The following ANKRD27 variants were observed in gnomAD, a reference collection of about 807,000 sequenced individuals.
ANKRD27 encodes the protein ankyrin repeat domain 27.
Under a neutral mutation model 129.7 loss-of-function variants are expected in ANKRD27, and 112 were observed. That is an observed-to-expected ratio of 0.86 (90% CI 0.74 to 1.01). The LOEUF is 1.01. Ranked by LOEUF, ANKRD27 falls within the 50% of genes least tolerant of loss-of-function variation. ANKRD27 has a pLI of 0.00. For missense variants in ANKRD27, 1,258 were observed against 1,300.5 expected (o/e 0.97, Z 0.50); for synonymous variants, 516 against 511.2 (o/e 1.01, Z -0.13).
At chr19:32,617,753 GTTT>G (rs375079407) in intron 20 of ANKRD27, 120 bp from the exon 21 acceptor site, 521 of 295,962 alleles carry the variant, frequency 1.8e-3, no homozygotes, top group South Asian at 2.9e-3. Flanking sequence ...GTCTGATTTA[GTTT>G]TTTTTTTTTT....
intron 22 of ANKRD27, among the ~76,000 whole-genome samples, chr19:32,608,671 G>C (rs1568397384): frequency 6.6e-6 from 1 of 152,116 alleles, no homozygotes; most frequent in Non-Finnish European, 1.5e-5. Context: ...AAAACTCAAG[G>C]CTGGGCACAG....
intron 20 of ANKRD27, among the ~76,000 whole-genome samples, chr19:32,619,011 G>A (rs1046980303): frequency 6.6e-6 from 1 of 152,168 alleles, no homozygotes; most frequent in Admixed American, 6.5e-5. Flanking sequence ...ATACACAAAC[G>A]CACTCTACCA....
intron 1 of ANKRD27, among the ~76,000 whole-genome samples, chr19:32,662,311 CAAA>C (rs34066529): frequency 5.3e-5 from 2 of 38,006 alleles, no homozygotes; most frequent in Non-Finnish European, 8.9e-5. Context: ...ACTCAGTCTC[CAAA>C]AAAAAAAAAA....
rs575228409 is a variant in ANKRD27, at chr19:32,604,260, T to A, written c.2655+3A>T. On this transcript the variant is annotated splice_donor_region_variant and intron_variant, in intron 25 of 28. Coordinates refer to ENST00000306065, the MANE Select transcript of ANKRD27 (RefSeq NM_032139.3). The stretch of plus-strand genomic sequence containing the variant: ...CCTCGGCTCTTCGACCCTCTCCACC[T>A]ACCTGTTCAGCACAGTCTACAGCCG... 5 of 1,598,596 alleles carry A rather than the reference T, an allele frequency of 3.1e-6. No individual in the cohort carries two copies. In the East Asian group the frequency reaches 9.0e-5, roughly 29 times the overall value.
intron 1 of ANKRD27, among the ~76,000 whole-genome samples, chr19:32,672,337 G>A (rs1401739390): frequency 6.6e-6 from 1 of 152,216 alleles, no homozygotes; most frequent in East Asian, 1.9e-4. Flanking sequence ...GTGTCCTCCT[G>A]ACCTATAACA....
At chr19:32,623,634 C>A (rs929582339) in intron 17 of ANKRD27, among the ~76,000 whole-genome samples, 10 of 151,630 alleles carry the variant, frequency 6.6e-5, no homozygotes, top group Admixed American at 5.3e-4. Flanking sequence ...ATTGCAACCT[C>A]CGCCTCCTAG....
In ANKRD27 at chr19:32,617,605, T is replaced by A. The variant is rs763125553; in HGVS notation, c.2036A>T (p.Asp679Val). ...AAAACTCACCATTTCTAGATCTCCA[T>A]CAGCAACTGCTCTCAAAAGTTTTTC... Reference protein sequence around the residue: ...EVEKLLRAVADGDLEMVRYLL... With the variant: ...EVEKLLRAVAVGDLEMVRYLL... The change falls in exon 21 of 29, where the codon GAT becomes GTT. Residue 679 changes from aspartate to valine, a missense_variant. Transcript: ENST00000306065. The A allele has an allele frequency of 4.0e-6, 3 of 757,826 alleles. No individual in the cohort carries two copies. Among genetic ancestry groups the A allele is most frequent in the Non-Finnish European group, 4.9e-6 (2 of 409,960 alleles). 46.9% of individuals were successfully genotyped at this position (757,826 alleles called of 1,614,324 possible). A position where few individuals can be genotyped will look rare whatever the true frequency, so the allele number is the denominator to read the frequency against.
intron 1 of ANKRD27, among the ~76,000 whole-genome samples, chr19:32,663,943 C>G (rs1967694891): frequency 6.7e-6 from 1 of 148,974 alleles, no homozygotes; most frequent in Non-Finnish European, 1.5e-5. Context: ...GTAGTCCCAG[C>G]TACTTGGGAG....
At chr19:32,649,961 TCTG>T (rs1162161985) in intron 2 of ANKRD27, among the ~76,000 whole-genome samples, 169 bp from the exon 3 acceptor site, 2 of 152,158 alleles carry the variant, frequency 1.3e-5, no homozygotes, top group African/African-American at 4.8e-5. Flanking sequence ...GCTGAGGTGA[TCTG>T]CTGCTGCTGT....
chr19:32,630,375 C>T (rs1029458791), intron 13 of ANKRD27, among the ~76,000 whole-genome samples: 1 of 152,220 alleles, frequency 6.6e-6, no homozygotes, highest in Non-Finnish European at 1.5e-5. Context: ...AGTGTCTGAG[C>T]AGGGAGCTGC....
At chr19:32,638,925 G>A (rs1967141444) in intron 12 of ANKRD27, 1 of 256,952 alleles carries the variant, frequency 3.9e-6, no homozygotes, top group Non-Finnish European at 7.3e-6. Flanking sequence ...GCCAGGCCAA[G>A]AGCGTGAAAT....
Position 32,619,503 on chromosome 19 carries a change from C to T in ANKRD27, c.1878G>A (p.Lys626=). ...AGCCCGGCTGACTTACCTCGGACGA[C>T]TTCTGCCTCCTCTCGAAGGACAGGT... ...AYHLSFERRQ[K]SSEAPVQSPQ... Residue 626 remains lysine (K), a synonymous_variant, in exon 19 of 29, where the codon AAG becomes AAA. Transcript: ENST00000306065. 6.2e-7 allele frequency: 1 copy of T among 1,614,150 alleles called. No homozygotes were observed. The highest frequency in any genetic ancestry group is 8.5e-7 in the Non-Finnish European group (1 of 1,180,030).
chr19:32,633,711 T>G (rs1215605259), intron 12 of ANKRD27, among the ~76,000 whole-genome samples: 1 of 152,056 alleles, frequency 6.6e-6, no homozygotes, highest in African/African-American at 2.4e-5. Flanking sequence ...AGCTGAAGTC[T>G]TCATTTATGA....
chr19:32,646,421 T>TC, intron 4 of ANKRD27, 38 bp downstream of exon 4: 1 of 1,581,020 alleles, frequency 6.3e-7, no homozygotes, highest in Middle Eastern at 1.7e-4. Flanking sequence ...AACACATTTT[T>TC]CTAAAACAGG....
At chr19:32,660,699 C>T (rs1967627676) in intron 1 of ANKRD27, among the ~76,000 whole-genome samples, 1 of 151,884 alleles carries the variant, frequency 6.6e-6, no homozygotes, top group African/African-American at 2.4e-5. Context: ...ATTTTCAAGC[C>T]TTCTATTACA....
At chr19:32,641,912 G>A (rs1967208761) in intron 10 of ANKRD27, 112 bp downstream of exon 10, 3 of 1,320,548 alleles carry the variant, frequency 2.3e-6, no homozygotes, top group South Asian at 3.5e-5. Context: ...GGGTTACAGA[G>A]GTGAGCCACT....
Position 32,619,397 on chromosome 19 carries a change from C to T in ANKRD27, c.1888-18G>A. The T allele has an allele frequency of 6.2e-7, 1 of 1,613,742 alleles. No individual in the cohort carries two copies. The highest frequency in any genetic ancestry group is 8.5e-7 in the Non-Finnish European group (1 of 1,179,982). On this transcript the variant is annotated intron_variant, in intron 19 of 28. Coordinates refer to ENST00000306065, the MANE Select transcript of ANKRD27 (RefSeq NM_032139.3). The stretch of plus-strand genomic sequence containing the variant: ...ACAGGGGCCTGCAGCCAAGGAGCCC[C>T]AACGAGAGAGAGGACAGGACACAAG...
At chr19:32,667,408 T>A (rs1967780459) in intron 1 of ANKRD27, among the ~76,000 whole-genome samples, 1 of 152,244 alleles carries the variant, frequency 6.6e-6, no homozygotes, top group South Asian at 2.1e-4. Context: ...AAATGGAGTC[T>A]CGCTGTGTTG....
At chr19:32,640,884 G>C (rs1314647988) in intron 10 of ANKRD27, among the ~76,000 whole-genome samples, 2 of 152,068 alleles carry the variant, frequency 1.3e-5, no homozygotes, top group African/African-American at 4.8e-5. Flanking sequence ...GACAGAGTGA[G>C]ACCCTGTCTC....
Sources: gnomAD v4.1 joint callset for allele counts (sites outside exome capture counted in the v4.1 genomes callset) on GRCh38, gnomAD v4.1.1 for gene constraint, MANE v1.5 for transcripts, NCBI Gene and HGNC (gene_info 2026-07-23, HGNC 2026-07-21) for gene names.